TRAF2: variants seen among roughly 807,000 people sequenced by gnomAD.
TRAF2 encodes the protein TNF receptor-associated factor 2.
In TRAF2, 6 loss-of-function variants were observed where a neutral mutation model predicts 55.6. The observed-to-expected ratio is 0.11, with a 90% CI of 0.06 to 0.21. The LOEUF is 0.21. Ranked by LOEUF, TRAF2 falls within the 10% of genes least tolerant of loss-of-function variation. TRAF2 has a pLI of 1.00. For synonymous variants in TRAF2, 329 were observed against 276.3 expected, an observed-to-expected ratio of 1.19 and a Z score of -1.89; for missense variants, 561 against 684.5, an observed-to-expected ratio of 0.82 and a Z score of 2.01.
At chr9:136,898,010 G>C (rs1248037316) in intron 1 of TRAF2, among the ~76,000 whole-genome samples, 9 of 129,642 alleles carry the variant, frequency 6.9e-5, no homozygotes. Flanking sequence ...GCCAGCCTCA[G>C]ATGTGCTACG....
chr9:136,902,072 C>G (rs1490726545), intron 4 of TRAF2: 1 of 152,260 alleles, frequency 6.6e-6, no homozygotes, highest in Non-Finnish European at 1.5e-5. Flanking sequence ...AGGGCACTGC[C>G]CTAGAGTGAG....
At chr9:136,887,298 C>G (rs541625008) in intron 1 of TRAF2, among the ~76,000 whole-genome samples, 1 of 152,220 alleles carries the variant, frequency 6.6e-6, no homozygotes, top group African/African-American at 2.4e-5. Context: ...CTGCAAGAAT[C>G]TGGCGTGAGC....
chr9:136,913,536 A>G (rs1850171435), intron 6 of TRAF2, among the ~76,000 whole-genome samples: 1 of 151,794 alleles, frequency 6.6e-6, no homozygotes, highest in African/African-American at 2.4e-5. Context: ...TGACCTCGTG[A>G]TCCACCTGCC....
At chr9:136,884,330 A>G (rs1011172480), upstream of TRAF2, among the ~76,000 whole-genome samples, 1 of 151,454 alleles carries the variant, frequency 6.6e-6, no homozygotes, top group African/African-American at 2.4e-5. Flanking sequence ...AGGCCGAGGC[A>G]GGCAATTGCC....
At chr9:136,920,893 C>T in intron 8 of TRAF2, 145 bp from the exon 9 acceptor site, 3 of 1,028,108 alleles carry the variant, frequency 2.9e-6, no homozygotes, top group Non-Finnish European at 2.8e-6. Flanking sequence ...GGGTTGGGTT[C>T]TTGTGTGCAG....
Position 136,895,361 on chromosome 9 carries a change from A to G in TRAF2, c.-28-3352A>G, listed in dbSNP as rs144431998. Among the ~76,000 whole-genome samples, 640 of 152,290 alleles carry G rather than the reference A, an allele frequency of 4.2e-3. 6 individuals carry two copies. The highest frequency in any genetic ancestry group is 0.015 in the African/African-American group (615 of 41,560). On this transcript the variant is annotated intron_variant, in intron 1 of 10. Transcript: ENST00000247668. The stretch of plus-strand genomic sequence containing the variant: ...AGGCTTCCGGGACACTCTTTTGGCA[A>G]CTTGGGCCTTGGAAGGACAGCAGAG...
chr9:136,903,447 GGCC>G (rs1246786557), intron 4 of TRAF2, among the ~76,000 whole-genome samples: 18 of 152,236 alleles, frequency 1.2e-4, no homozygotes, highest in Non-Finnish European at 2.2e-4. Context: ...AAGTATGCTC[GGCC>G]TCATGGACAT....
chr9:136,904,608 T>C (rs974039042), intron 4 of TRAF2, among the ~76,000 whole-genome samples: 3 of 151,570 alleles, frequency 2.0e-5, no homozygotes, highest in African/African-American at 7.3e-5. Flanking sequence ...GGGGTTTCAC[T>C]GTGTTAGCCA....
intron 6 of TRAF2, among the ~76,000 whole-genome samples, chr9:136,914,321 A>G (rs1282334618): frequency 3.9e-5 from 6 of 151,994 alleles, no homozygotes; most frequent in Admixed American, 6.6e-5. Flanking sequence ...CGCACCCCCC[A>G]TTCCCAGCAT....
At chr9:136,887,002 C>T (rs952187517) in intron 1 of TRAF2, among the ~76,000 whole-genome samples, 1 of 152,124 alleles carries the variant, frequency 6.6e-6, no homozygotes, top group African/African-American at 2.4e-5. Flanking sequence ...GTCAGGGGCG[C>T]CTCCGACCCC....
In TRAF2 at chr9:136,909,906, C is replaced by A; in HGVS notation, c.529-14C>A. The A allele has an allele frequency of 6.2e-7, 1 of 1,614,070 alleles. No individual in the cohort carries two copies. Among genetic ancestry groups the A allele is most frequent in the Non-Finnish European group, 8.5e-7 (1 of 1,179,954 alleles). ...TGGCGTCCACCCTCACACTCCTGAT[C>A]CCTTCTTTTGAAGGCGCACCACGAG... On this transcript the variant is annotated splice_polypyrimidine_tract_variant and intron_variant, in intron 5 of 10. Coordinates refer to ENST00000247668, the MANE Select transcript of TRAF2 (RefSeq NM_021138.4).
intron 7 of TRAF2, among the ~76,000 whole-genome samples, chr9:136,918,248 TATATATATATTTATTTAA>T (rs1169672553): frequency 4.3e-4 from 20 of 46,854 alleles, no homozygotes; most frequent in East Asian, 1.8e-3. Flanking sequence ...TATATATATA[TATATATATATTTATTTAA>T]TTAATTAATT....
chr9:136,926,372 T>C lies in TRAF2; in HGVS notation c.*471T>C. The C allele has an allele frequency of 3.0e-6, 1 of 334,934 alleles. No individual in the cohort carries two copies. Among genetic ancestry groups the C allele is most frequent in the South Asian group, 2.4e-5 (1 of 42,076 alleles). The allele number at this position is 334,934 out of a possible 1,614,324, so 20.7% of individuals were successfully genotyped here. On this transcript the variant is annotated 3_prime_UTR_variant, in exon 11 of 11. Coordinates refer to ENST00000247668, the MANE Select transcript of TRAF2 (RefSeq NM_021138.4). Reference sequence around the variant, plus strand: ...GCCAGAGCAAGGAAGGCTGAGCAGCTTGGTTCTCCCCTCTGGCCCCTGGAG... The same window carrying C: ...GCCAGAGCAAGGAAGGCTGAGCAGCCTGGTTCTCCCCTCTGGCCCCTGGAG...
At chr9:136,921,572 G>T (rs564756329) in intron 9 of TRAF2, among the ~76,000 whole-genome samples, 1 of 152,266 alleles carries the variant, frequency 6.6e-6, no homozygotes, top group East Asian at 1.9e-4. Flanking sequence ...GGAAGACAGG[G>T]CGGGTGGGGG....
At chr9:136,905,713 C>T in intron 4 of TRAF2, among the ~76,000 whole-genome samples, 1 of 152,190 alleles carries the variant, frequency 6.6e-6, no homozygotes. Context: ...GTGTTTAACT[C>T]TGGCCAGGCA....
At chr9:136,893,204 T>C (rs1267093090) in intron 1 of TRAF2, among the ~76,000 whole-genome samples, 2 of 152,040 alleles carry the variant, frequency 1.3e-5, no homozygotes, top group African/African-American at 4.8e-5. Flanking sequence ...AGGTGTGGCG[T>C]CCCCACCGAG....
rs181417066 is a variant in TRAF2, at chr9:136,915,235, C to T, written c.604-1306C>T. Among the ~76,000 whole-genome samples, 356 of 152,182 alleles carry T rather than the reference C, an allele frequency of 2.3e-3. 2 individuals carry two copies. The highest frequency in any genetic ancestry group is 8.2e-3 in the African/African-American group (342 of 41,526). ...TTACATGGCACCAAAGCGAAAACTA[C>T]AAAAAAGGTGCATTCTGAGACGTCA... On this transcript the variant is annotated intron_variant, in intron 6 of 10. Coordinates refer to ENST00000247668, the MANE Select transcript of TRAF2 (RefSeq NM_021138.4).
chr9:136,903,917 C>T (rs1175031199), intron 4 of TRAF2, among the ~76,000 whole-genome samples: 8 of 152,138 alleles, frequency 5.3e-5, no homozygotes, highest in African/African-American at 7.2e-5. Flanking sequence ...CTCCTGACCT[C>T]GTGATCCGCC....
intron 6 of TRAF2, among the ~76,000 whole-genome samples, chr9:136,910,963 T>C (rs1378445884): frequency 6.6e-6 from 1 of 152,240 alleles, no homozygotes; most frequent in Non-Finnish European, 1.5e-5. Context: ...CCATGCCCCC[T>C]TCAGAGGCCA....
Sources: gnomAD v4.1 joint callset for allele counts (sites outside exome capture counted in the v4.1 genomes callset) on GRCh38, gnomAD v4.1.1 for gene constraint, MANE v1.5 for transcripts, NCBI Gene and HGNC (gene_info 2026-07-23, HGNC 2026-07-21) for gene names.